The following HDAC4 variants were observed in gnomAD, a reference collection of about 807,000 sequenced individuals.
The protein encoded by HDAC4 is histone deacetylase 4.
HDAC4 carries 16 observed loss-of-function variants against 135.1 expected under a neutral mutation model. The ratio of observed to expected loss-of-function variants is 0.12; its 90% CI spans 0.08 to 0.18. The LOEUF is 0.18. Ranked by LOEUF, HDAC4 falls within the 10% of genes least tolerant of loss-of-function variation. The pLI is 1.00. For missense variants in HDAC4, 1,143 were observed against 1,511.8 expected, an observed-to-expected ratio of 0.76 and a Z score of 4.05; for synonymous variants, 685 against 653.4, an observed-to-expected ratio of 1.05 and a Z score of -0.74.
intron 4 of HDAC4, among the ~76,000 whole-genome samples, chr2:239,181,200 G>A (rs1424760737): frequency 6.6e-6 from 1 of 152,238 alleles, no homozygotes; most frequent in African/African-American, 2.4e-5. Context: ...CACAAGGGGG[G>A]TGGGACTCAA....
intron 5 of HDAC4, among the ~76,000 whole-genome samples, chr2:239,172,700 T>G (rs2043530029): frequency 6.6e-6 from 1 of 152,046 alleles, no homozygotes; most frequent in South Asian, 2.1e-4. Flanking sequence ...AGTCAAAAGC[T>G]AGTCTTTGAA....
chr2:239,335,195 C>G (rs888719504), intron 2 of HDAC4, among the ~76,000 whole-genome samples: 1 of 152,040 alleles, frequency 6.6e-6, no homozygotes, highest in African/African-American at 2.4e-5. Flanking sequence ...TGCAAACAGA[C>G]CAATGAACTA....
At chr2:239,322,042 A>G (rs748492407) in intron 2 of HDAC4, among the ~76,000 whole-genome samples, 6 of 152,240 alleles carry the variant, frequency 3.9e-5, no homozygotes, top group Non-Finnish European at 7.3e-5. Context: ...CAAGACTCCC[A>G]CTTGCAAAAT....
intron 18 of HDAC4, among the ~76,000 whole-genome samples, chr2:239,088,423 C>T (rs917406325): frequency 6.6e-6 from 1 of 152,256 alleles, no homozygotes; most frequent in African/African-American, 2.4e-5. Context: ...GGCAAACGCT[C>T]TCAAGAGGCC....
chr2:239,110,629 T>C (rs1033640959), intron 14 of HDAC4, among the ~76,000 whole-genome samples: 3 of 152,258 alleles, frequency 2.0e-5, no homozygotes, highest in African/African-American at 7.2e-5. Context: ...CCTCGCAGAC[T>C]GCAGAACACT....
chr2:239,180,490 A>C (rs2044076171), intron 4 of HDAC4, among the ~76,000 whole-genome samples: 1 of 152,090 alleles, frequency 6.6e-6, no homozygotes, highest in Non-Finnish European at 1.5e-5. Flanking sequence ...CATGCCAGTC[A>C]CCCCGCATGT....
intron 3 of HDAC4, among the ~76,000 whole-genome samples, chr2:239,217,648 A>T (rs1408573673): frequency 6.6e-6 from 1 of 152,326 alleles, no homozygotes; most frequent in Middle Eastern, 3.4e-3. Flanking sequence ...GTATGAGCTC[A>T]TAAGAGTTCA....
At chr2:239,355,051 G>A (rs1000735540) in intron 1 of HDAC4, among the ~76,000 whole-genome samples, 1 of 152,118 alleles carries the variant, frequency 6.6e-6, no homozygotes, top group African/African-American at 2.4e-5. Flanking sequence ...GAGTCTTGAT[G>A]TTGTGGTTGT....
At chr2:239,079,640 C>T (rs1033161307) in intron 22 of HDAC4, among the ~76,000 whole-genome samples, 4 of 152,232 alleles carry the variant, frequency 2.6e-5, no homozygotes, top group African/African-American at 4.8e-5. Flanking sequence ...TACACATGTC[C>T]TTGTGAAGGG....
intron 2 of HDAC4, chr2:239,351,800 T>G (rs1693174952): frequency 6.5e-6 from 1 of 154,400 alleles, no homozygotes; most frequent in Non-Finnish European, 1.5e-5. Context: ...CTCAGGTGCC[T>G]GTCCAAGCGT....
chr2:239,247,782 C>A (rs756632418), intron 2 of HDAC4, among the ~76,000 whole-genome samples: 2 of 152,182 alleles, frequency 1.3e-5, no homozygotes, highest in Non-Finnish European at 2.9e-5. Context: ...TCTAGGCAGG[C>A]ACATTAACTG....
At chr2:239,367,294 G>A (rs1319880563) in intron 1 of HDAC4, among the ~76,000 whole-genome samples, 2 of 152,178 alleles carry the variant, frequency 1.3e-5, no homozygotes, top group African/African-American at 4.8e-5. Context: ...TCGCCATTAA[G>A]CCACACCTTC....
At position 239,375,773 on chromosome 2, in the gene HDAC4, A is replaced by G. The variant is rs1188284010; in HGVS notation, c.-219-22855T>C. On this transcript the variant is annotated intron_variant, in intron 1 of 26. Coordinates refer to ENST00000543185, the MANE Select transcript of HDAC4 (RefSeq NM_001378414.1). ...GGTGCTCTGGACGGGCGTTTCCTCC[A>G]TGGCCCCCCAGGGGGCCTGGGGAGT... 2.6e-5 allele frequency among the ~76,000 whole-genome samples: 4 copies of G among 152,262 alleles called. No individual in the cohort carries two copies. The East Asian group carries it at 5.8e-4, about 22-fold the overall frequency.
chr2:239,061,357 TGA>T (rs1471616288), intron 24 of HDAC4, among the ~76,000 whole-genome samples: 3 of 150,224 alleles, frequency 2.0e-5, no homozygotes, highest in Admixed American at 6.6e-5. Flanking sequence ...ATGTGATGTG[TGA>T]GACTGTGGTA....
At position 239,319,476 on chromosome 2, in the gene HDAC4, C is replaced by T. The variant is rs146131847; in HGVS notation, c.22+33202G>A. Among the ~76,000 whole-genome samples the T allele has an allele frequency of 8.5e-5, 13 of 152,346 alleles. No homozygotes were observed. The East Asian group carries it at 2.5e-3, about 29-fold the overall frequency. ...CCACCTCCCGGGACCGAGCAAGGCG[C>T]CCTGGTCAGCCTGAAGACACTGGCA... On this transcript the variant is annotated intron_variant, in intron 2 of 26. Transcript: ENST00000543185.
At chr2:239,252,855 C>T (rs754153037) in intron 2 of HDAC4, among the ~76,000 whole-genome samples, 77 of 152,236 alleles carry the variant, frequency 5.1e-4, no homozygotes, top group Non-Finnish European at 8.7e-4. Context: ...GAAATCCGAT[C>T]ATTTCTCTCC....
chr2:239,171,878 C>A lies in HDAC4; in HGVS notation c.490+4535G>T, dbSNP rs139135942. 7.3e-3 allele frequency among the ~76,000 whole-genome samples: 1,116 copies of A among 152,184 alleles called. 9 individuals are homozygous for A. The highest frequency in any genetic ancestry group is 0.051 in the Middle Eastern group (15 of 294). The stretch of plus-strand genomic sequence containing the variant: ...AGTGCTGAAAGAAAATAAATACAAA[C>A]CTAGAATTCTATACTCAGCAAAAAT... On this transcript the variant is annotated intron_variant, in intron 5 of 26. Transcript: ENST00000543185.
intron 2 of HDAC4, among the ~76,000 whole-genome samples, chr2:239,324,827 A>G (rs965868954): frequency 2.0e-5 from 3 of 152,242 alleles, no homozygotes; most frequent in African/African-American, 7.2e-5. Context: ...GAGCCAAAGA[A>G]CAAGAGACTG....
chr2:239,114,583 G>A (rs570078446), intron 13 of HDAC4, among the ~76,000 whole-genome samples: 1 of 152,316 alleles, frequency 6.6e-6, no homozygotes, highest in South Asian at 2.1e-4. Flanking sequence ...CTGGCTCTGG[G>A]TGCCACAATC....
Sources: allele counts gnomAD v4.1 joint callset (sites outside exome capture counted in the v4.1 genomes callset), GRCh38; gene constraint gnomAD v4.1.1; transcripts MANE v1.5; gene names NCBI Gene and HGNC (gene_info 2026-07-23, HGNC 2026-07-21).